CNTNAP2: variants seen among roughly 807,000 people sequenced by gnomAD.
CNTNAP2 encodes contactin associated protein 2, also known as contactin-associated protein-like 2.
CNTNAP2 carries 98 observed loss-of-function variants against 155.2 expected under a neutral mutation model. The ratio of observed to expected loss-of-function variants is 0.63; its 90% CI spans 0.54 to 0.75. The LOEUF is 0.75. CNTNAP2 is among the 30% of genes least tolerant of loss of function. The pLI is 0.00. For synonymous variants in CNTNAP2, 651 were observed against 631.2 expected (o/e 1.03, Z -0.47); for missense variants, 1,727 against 1,688.1 (o/e 1.02, Z -0.40).
chr7:146,204,207 G>T (rs1363059159), intron 1 of CNTNAP2, among the ~76,000 whole-genome samples: 3 of 152,020 alleles, frequency 2.0e-5, no homozygotes, highest in African/African-American at 7.2e-5. Flanking sequence ...AATATCTTAA[G>T]AAAAGAAATG....
intron 1 of CNTNAP2, among the ~76,000 whole-genome samples, chr7:146,370,260 TAAAAAAAA>T (rs34996621): frequency 2.2e-4 from 19 of 87,602 alleles, no homozygotes; most frequent in African/African-American, 6.2e-4. Context: ...ATCTCTACTT[TAAAAAAAA>T]AAAAAAAAAA....
chr7:146,389,925 T>C (rs1795516203), intron 1 of CNTNAP2, among the ~76,000 whole-genome samples: 1 of 151,980 alleles, frequency 6.6e-6, no homozygotes, highest in Admixed American at 6.6e-5. Context: ...GATCTCAAAC[T>C]CCTGACCTCA....
intron 15 of CNTNAP2, among the ~76,000 whole-genome samples, chr7:148,099,511 C>T (rs1448344580): frequency 6.6e-6 from 1 of 151,172 alleles, no homozygotes; most frequent in Admixed American, 6.6e-5. Context: ...CCAGGCCTCA[C>T]TTGTGGATGG....
intron 3 of CNTNAP2, among the ~76,000 whole-genome samples, chr7:146,869,123 G>T (rs1463974968): frequency 6.6e-6 from 1 of 152,092 alleles, no homozygotes; most frequent in Admixed American, 6.6e-5. Context: ...TCCAGCTTTT[G>T]CCCATTCAGT....
intron 1 of CNTNAP2, among the ~76,000 whole-genome samples, chr7:146,167,775 G>C (rs1798333469): frequency 6.6e-6 from 1 of 152,272 alleles, no homozygotes; most frequent in Admixed American, 6.5e-5. Flanking sequence ...ATATGAAGGA[G>C]AGTCTATTGA....
intron 1 of CNTNAP2, among the ~76,000 whole-genome samples, chr7:146,238,788 G>A (rs1216756263): frequency 6.6e-6 from 1 of 152,104 alleles, no homozygotes; most frequent in Non-Finnish European, 1.5e-5. Context: ...CAATCATGGC[G>A]GAAGGCAAAG....
chr7:147,395,106 C>T lies in CNTNAP2; in HGVS notation c.1499-503C>T, dbSNP rs184269589. Among the ~76,000 whole-genome samples the T allele has an allele frequency of 4.6e-5, 7 of 151,976 alleles. No homozygotes were observed. The East Asian group carries it at 1.2e-3, about 25-fold the overall frequency. ...AAATATCTCTTTGTAATGAGTTACA[C>T]ACTAATCTACTTTATTTCATAATAG... On this transcript the variant is annotated intron_variant, in intron 9 of 23. Coordinates refer to ENST00000361727, the MANE Select transcript of CNTNAP2 (RefSeq NM_014141.6).
At chr7:147,928,354 GA>G (rs1800435913) in intron 14 of CNTNAP2, among the ~76,000 whole-genome samples, 1 of 152,174 alleles carries the variant, frequency 6.6e-6, no homozygotes, top group Admixed American at 6.5e-5. Context: ...TGAGAAAGAA[GA>G]TGCTAGTGTA....
At chr7:146,980,555 T>G (rs751875923) in intron 3 of CNTNAP2, among the ~76,000 whole-genome samples, 1 of 152,268 alleles carries the variant, frequency 6.6e-6, no homozygotes, top group African/African-American at 2.4e-5. Flanking sequence ...CTGCAGACTG[T>G]ACAGGAAGTG....
rs540235481 is a variant in CNTNAP2 at position 148,375,037 on chromosome 7, C to G, written c.3476-8612C>G. 1.1e-4 allele frequency among the ~76,000 whole-genome samples: 16 copies of G among 152,216 alleles called. No homozygotes were observed. In the South Asian group the frequency reaches 3.1e-3, roughly 30 times the overall value. On this transcript the variant is annotated intron_variant, in intron 21 of 23. Coordinates refer to ENST00000361727, the MANE Select transcript of CNTNAP2 (RefSeq NM_014141.6). ...GAGGCTGAGGAATGGGGCACCAGCA[C>G]CTTCCAGGCTTTCTATCTTACATCT...
intron 1 of CNTNAP2, among the ~76,000 whole-genome samples, chr7:146,723,501 A>G (rs1223895634): frequency 1.3e-5 from 2 of 152,222 alleles, no homozygotes. Context: ...ATCACAAAAT[A>G]TTCACAAATT....
At chr7:146,600,325 A>G (rs1259164865) in intron 1 of CNTNAP2, among the ~76,000 whole-genome samples, 1 of 152,208 alleles carries the variant, frequency 6.6e-6, no homozygotes, top group Non-Finnish European at 1.5e-5. Context: ...CACATAAAAT[A>G]TGTTTAAATA....
At chr7:146,907,053 C>G (rs139289551) in intron 3 of CNTNAP2, among the ~76,000 whole-genome samples, 37,338 of 149,572 alleles carry the variant, frequency 0.25, 5,408 homozygotes, top group Non-Finnish European at 0.32. Flanking sequence ...AGGGTATCAG[C>G]GATGGAAGAT....
chr7:146,593,200 A>G (rs758630613), intron 1 of CNTNAP2, among the ~76,000 whole-genome samples: 4 of 151,484 alleles, frequency 2.6e-5, no homozygotes, highest in Non-Finnish European at 5.9e-5. Flanking sequence ...CTGACTGGTG[A>G]TACCCTGAAA....
At chr7:148,022,579 C>A (rs73468111) in intron 15 of CNTNAP2, among the ~76,000 whole-genome samples, 5,601 of 152,152 alleles carry the variant, frequency 0.037, 354 homozygotes, top group African/African-American at 0.13. Flanking sequence ...TGGGAGTACC[C>A]GGGTTCCATC....
At chr7:146,602,676 C>T (rs1321963830) in intron 1 of CNTNAP2, among the ~76,000 whole-genome samples, 1 of 152,146 alleles carries the variant, frequency 6.6e-6, no homozygotes. Context: ...TTGGAAAATA[C>T]ACATAGTGAT....
At chr7:147,378,511 A>G (rs1796479637) in intron 9 of CNTNAP2, among the ~76,000 whole-genome samples, 1 of 152,090 alleles carries the variant, frequency 6.6e-6, no homozygotes, top group African/African-American at 2.4e-5. Flanking sequence ...GCACAGAAAG[A>G]CAAACTATGT....
intron 2 of CNTNAP2, among the ~76,000 whole-genome samples, chr7:146,827,003 G>T (rs1425074581): frequency 6.6e-6 from 1 of 151,732 alleles, no homozygotes; most frequent in Non-Finnish European, 1.5e-5. Context: ...CCACTAACAT[G>T]ATTAAGGAGA....
At chr7:147,264,536 GC>G (rs2116692114) in intron 8 of CNTNAP2, among the ~76,000 whole-genome samples, 1 of 108 alleles carries the variant, frequency 9.3e-3, no homozygotes, top group South Asian at 0.25. Context: ...ACTGGTCCCT[GC>G]GGGCCTGTGC....
Sources: allele counts gnomAD v4.1 joint callset (sites outside exome capture counted in the v4.1 genomes callset), GRCh38; gene constraint gnomAD v4.1.1; transcripts MANE v1.5; gene names NCBI Gene and HGNC (gene_info 2026-07-23, HGNC 2026-07-21).